The following CARMIL1 variants were observed in gnomAD, a reference collection of about 807,000 sequenced individuals.
CARMIL1 encodes F-actin-uncapping protein LRRC16A.
A neutral mutation model predicts 177.1 loss-of-function variants in CARMIL1; 90 were observed. The ratio of observed to expected loss-of-function variants is 0.51; its 90% CI spans 0.43 to 0.61. The LOEUF is 0.61. CARMIL1 is among the 20% of genes least tolerant of loss of function. The pLI, the probability that CARMIL1 is intolerant of heterozygous loss-of-function variation, is 0.00. For synonymous variants in CARMIL1, 577 were observed against 606.2 expected (o/e 0.95, Z 0.71); for missense variants, 1,380 against 1,667.0 (o/e 0.83, Z 3.00).
Position 25,279,454 on chromosome 6 carries a change from C to T in CARMIL1, c.-342C>T. 2 of 416,298 alleles carry T rather than the reference C, an allele frequency of 4.8e-6. No individual in the cohort carries two copies. The highest frequency in any genetic ancestry group is 8.8e-6 in the Non-Finnish European group (2 of 227,506). 25.8% of individuals were successfully genotyped at this position (416,298 alleles called of 1,614,324 possible). On this transcript the variant is annotated 5_prime_UTR_variant, in exon 1 of 37. Coordinates refer to ENST00000329474, the MANE Select transcript of CARMIL1 (RefSeq NM_017640.6). The stretch of plus-strand genomic sequence containing the variant: ...GGGCGGGAGCTACGCCGGCCCAAGC[C>T]CCGCCGGGGACCAGCGAGCCGGGAG...
At chr6:25,407,270 T>A (rs1231618274) in intron 2 of CARMIL1, among the ~76,000 whole-genome samples, 1 of 152,072 alleles carries the variant, frequency 6.6e-6, no homozygotes, top group East Asian at 1.9e-4. Flanking sequence ...GTGTGTAGGA[T>A]CCAGGCATAT....
intron 17 of CARMIL1, among the ~76,000 whole-genome samples, chr6:25,504,783 G>A (rs1804751433): frequency 6.6e-6 from 1 of 152,170 alleles, no homozygotes; most frequent in African/African-American, 2.4e-5. Context: ...GTTATGGGAG[G>A]CAAAAGAGTG....
intron 26 of CARMIL1, among the ~76,000 whole-genome samples, chr6:25,545,072 ATCATC>A (rs1370117406): frequency 6.6e-6 from 1 of 152,188 alleles, no homozygotes; most frequent in Non-Finnish European, 1.5e-5. Flanking sequence ...AGATATTCCT[ATCATC>A]TCAAAGTTCT....
At chr6:25,593,115 A>G (rs986435513) in intron 31 of CARMIL1, among the ~76,000 whole-genome samples, 37 of 152,094 alleles carry the variant, frequency 2.4e-4, no homozygotes, top group Admixed American at 7.2e-4. Flanking sequence ...TTTTCCCCCA[A>G]ATATGATATT....
chr6:25,576,189 A>G, intron 29 of CARMIL1, among the ~76,000 whole-genome samples: 1 of 152,288 alleles, frequency 6.6e-6, no homozygotes, highest in South Asian at 2.1e-4. Flanking sequence ...AACAAAATTT[A>G]ATGATGACCA....
intron 31 of CARMIL1, among the ~76,000 whole-genome samples, chr6:25,591,184 T>C (rs776717998): frequency 3.9e-5 from 6 of 152,246 alleles, no homozygotes; most frequent in Non-Finnish European, 8.8e-5. Flanking sequence ...AGCTGCCGCA[T>C]CAAAATCCAG....
At chr6:25,313,025 T>C (rs922721503) in intron 2 of CARMIL1, among the ~76,000 whole-genome samples, 3 of 152,196 alleles carry the variant, frequency 2.0e-5, no homozygotes, top group African/African-American at 7.2e-5. Context: ...GTCATGCTTC[T>C]GTCCTCTAGT....
At chr6:25,355,365 A>G (rs1374756946) in intron 2 of CARMIL1, among the ~76,000 whole-genome samples, 1 of 152,174 alleles carries the variant, frequency 6.6e-6, no homozygotes, top group African/African-American at 2.4e-5. Flanking sequence ...CCTCAGAGTA[A>G]GGACAGGTGG....
At chr6:25,387,739 A>G (rs866080021) in intron 2 of CARMIL1, among the ~76,000 whole-genome samples, 1 of 152,210 alleles carries the variant, frequency 6.6e-6, no homozygotes, top group Non-Finnish European at 1.5e-5. Context: ...CTTCTAATTG[A>G]AGCAAACCAG....
intron 8 of CARMIL1, among the ~76,000 whole-genome samples, chr6:25,461,121 G>C (rs1460110696): frequency 1.3e-5 from 2 of 152,084 alleles, no homozygotes; most frequent in East Asian, 3.9e-4. Context: ...ATTGGCCCTT[G>C]TTCTAGCCTC....
chr6:25,565,328 G>T (rs1376977768), intron 29 of CARMIL1, among the ~76,000 whole-genome samples: 1 of 152,150 alleles, frequency 6.6e-6, no homozygotes, highest in Non-Finnish European at 1.5e-5. Context: ...AGAAACAGTG[G>T]TGACTTCTGT....
In CARMIL1 at chr6:25,402,589, T is replaced by G. The variant is rs553636816; in HGVS notation, c.139-17525T>G. ...TGTCTGATTCATGAATGTTTTACTG[T>G]GTAGTGATTTTTTCTTCTTCTAGAG... On this transcript the variant is annotated intron_variant, in intron 2 of 36. Transcript: ENST00000329474. Among the ~76,000 whole-genome samples, 7 of 152,328 alleles carry G rather than the reference T, an allele frequency of 4.6e-5. No individual in the cohort carries two copies. In the East Asian group the frequency reaches 1.3e-3, roughly 29 times the overall value.
At chr6:25,318,690 A>T (rs997979641) in intron 2 of CARMIL1, among the ~76,000 whole-genome samples, 1 of 152,058 alleles carries the variant, frequency 6.6e-6, no homozygotes, top group Admixed American at 6.6e-5. Context: ...CAGACCCATC[A>T]GCCACCCGGG....
chr6:25,537,627 T>G (rs1412866749), intron 24 of CARMIL1, among the ~76,000 whole-genome samples: 1 of 152,184 alleles, frequency 6.6e-6, no homozygotes, highest in East Asian at 1.9e-4. Flanking sequence ...GCCTTCAATT[T>G]TTTTCTGGCA....
At chr6:25,520,370 A>C (rs761248528) in intron 23 of CARMIL1, 33 bp downstream of exon 23, 1 of 1,170,778 alleles carries the variant, frequency 8.5e-7, no homozygotes, top group South Asian at 1.4e-5. Context: ...ATTACAAGAA[A>C]TTCACATTTG....
rs751813990 is a variant in CARMIL1 at position 25,537,948 on chromosome 6, G to A, written c.2161G>A (p.Glu721Lys). 2 of 1,605,536 alleles carry A rather than the reference G, an allele frequency of 1.2e-6. No individual in the cohort carries two copies. The highest frequency in any genetic ancestry group is 4.5e-5 in the East Asian group (2 of 44,700). The change falls in exon 25 of 37, where the codon GAG (glutamate) becomes AAG (lysine). Residue 721 changes from glutamate to lysine, a missense_variant. Glu to Lys is a moderately conservative substitution (Grantham distance 56). Coordinates refer to ENST00000329474, the MANE Select transcript of CARMIL1 (RefSeq NM_017640.6). ...DAIQEDLKSA[E>K]RLMRDAKNSK... ...TATCCAGGAAGATTTAAAATCAGCA[G>A]AGCGGCTCATGCGTGATGCTAAGAA...
At chr6:25,350,633 A>G (rs1788018116) in intron 2 of CARMIL1, 1 of 152,204 alleles carries the variant, frequency 6.6e-6, no homozygotes. Context: ...TTTCTTGATA[A>G]TAGTTATTCT....
intron 2 of CARMIL1, among the ~76,000 whole-genome samples, chr6:25,380,033 T>C (rs764416871): frequency 6.6e-6 from 1 of 152,144 alleles, no homozygotes; most frequent in Non-Finnish European, 1.5e-5. Context: ...GCATAGTAGA[T>C]CATGGCATAA....
Position 25,480,864 on chromosome 6 carries a change from G to A in CARMIL1, c.875-1393G>A, listed in dbSNP as rs1163112374. Among the ~76,000 whole-genome samples the A allele has an allele frequency of 4.7e-5, 7 of 149,726 alleles. No homozygotes were observed. In the East Asian group the frequency reaches 9.9e-4, roughly 21 times the overall value. ...GCCTCCGGAGTAGTTGGAACTACCC[G>A]CGCCCGCCACCACGCCCGGCTAATT... On this transcript the variant is annotated intron_variant, in intron 11 of 36. Coordinates refer to ENST00000329474, the MANE Select transcript of CARMIL1 (RefSeq NM_017640.6).
Sources: gnomAD v4.1 joint callset for allele counts (sites outside exome capture counted in the v4.1 genomes callset) on GRCh38, gnomAD v4.1.1 for gene constraint, MANE v1.5 for transcripts, NCBI Gene and HGNC (gene_info 2026-07-23, HGNC 2026-07-21) for gene names.